Variants in FAM169A observed in about 807,000 individuals in gnomAD.
The protein encoded by FAM169A is family with sequence similarity 169 member A, also known as soluble lamin-associated protein of 75 kDa.
FAM169A carries 24 observed loss-of-function variants against 75.7 expected under a neutral mutation model. The observed-to-expected ratio is 0.32, with a 90% confidence interval of 0.23 to 0.45. The LOEUF is 0.45. Ranked by LOEUF, FAM169A falls within the 20% of genes least tolerant of loss-of-function variation. The pLI, the probability that FAM169A is intolerant of heterozygous loss-of-function variation, is 1.00. For synonymous variants in FAM169A, 271 were observed against 271.0 expected, an observed-to-expected ratio of 1.00 and a Z score of 0.00; for missense variants, 673 against 784.0, an observed-to-expected ratio of 0.86 and a Z score of 1.69.
intron 9 of FAM169A, 65 bp downstream of exon 9, chr5:74,801,519 GCACACA>G: frequency 2.9e-6 from 3 of 1,031,742 alleles, no homozygotes; most frequent in Non-Finnish European, 4.4e-6. Context: ...ACACATGCAT[GCACACA>G]CACACACACA....
At chr5:74,852,648 A>G (rs1749501274) in intron 1 of FAM169A, among the ~76,000 whole-genome samples, 1 of 152,114 alleles carries the variant, frequency 6.6e-6, no homozygotes, top group African/African-American at 2.4e-5. Flanking sequence ...GACTGAAAGT[A>G]CACCGAGAAC....
chr5:74,855,671 ATATT>A (rs1749671059), intron 1 of FAM169A, among the ~76,000 whole-genome samples: 1 of 152,112 alleles, frequency 6.6e-6, no homozygotes, highest in Non-Finnish European at 1.5e-5. Flanking sequence ...AGTTCCTTAT[ATATT>A]CTGGTTATTA....
chr5:74,812,941 T>C (rs1747281196), intron 6 of FAM169A, among the ~76,000 whole-genome samples: 1 of 152,200 alleles, frequency 6.6e-6, no homozygotes. Context: ...GCAATCACTT[T>C]AGAACAAGTT....
chr5:74,859,886 T>G lies in FAM169A; in HGVS notation c.-4+6279A>C, dbSNP rs1214127374. 2.6e-5 allele frequency among the ~76,000 whole-genome samples: 4 copies of G among 151,998 alleles called. No individual in the cohort carries two copies. The East Asian group carries it at 7.7e-4, about 29-fold the overall frequency. On this transcript the variant is annotated intron_variant, in intron 1 of 12. Transcript: ENST00000687041. ...AGAAAAGAACCTCAACGAAGTGTCA[T>G]ACATGGTACATGGGGTGGGTGTAGA...
At chr5:74,810,784 A>T (rs937397485) in intron 6 of FAM169A, among the ~76,000 whole-genome samples, 5 of 121,008 alleles carry the variant, frequency 4.1e-5, no homozygotes, top group African/African-American at 1.2e-4. Flanking sequence ...AGTACATGTT[A>T]TTGTATGTAA....
chr5:74,835,567 A>G (rs2112654946), intron 4 of FAM169A, among the ~76,000 whole-genome samples: 1 of 138,358 alleles, frequency 7.2e-6, no homozygotes, highest in South Asian at 2.3e-4. Context: ...GCACCACCGC[A>G]CTCCAGCCTG....
intron 11 of FAM169A, among the ~76,000 whole-genome samples, chr5:74,786,559 CAT>C (rs1182656322): frequency 6.6e-6 from 1 of 152,162 alleles, no homozygotes; most frequent in African/African-American, 2.4e-5. Flanking sequence ...TGACTCTAAA[CAT>C]AATACCTTTG....
Position 74,863,065 on chromosome 5 carries a change from C to T in FAM169A, c.-4+3100G>A, listed in dbSNP as rs1018468556. Among the ~76,000 whole-genome samples, 8 of 148,802 alleles carry T rather than the reference C, an allele frequency of 5.4e-5. 1 individual carries two copies. The highest frequency in any genetic ancestry group is 2.0e-4 in the East Asian group (1 of 5,128). Reference sequence around the variant, plus strand: ...GGCAGGGGTGGGAGGAATCTAGGTACGTCACAAACTTTCTAGCCTAAAAAA... The same window carrying T: ...GGCAGGGGTGGGAGGAATCTAGGTATGTCACAAACTTTCTAGCCTAAAAAA... On this transcript the variant is annotated intron_variant, in intron 1 of 12. Coordinates refer to ENST00000687041, the MANE Select transcript of FAM169A (RefSeq NM_001376049.1).
At chr5:74,795,880 C>A in intron 11 of FAM169A, 150 bp downstream of exon 11, 1 of 655,732 alleles carries the variant, frequency 1.5e-6, no homozygotes, top group South Asian at 2.9e-5. Flanking sequence ...AACTCTAGTA[C>A]CTGACCTTGC....
At chr5:74,795,945 C>T (rs574810424) in intron 11 of FAM169A, 85 bp downstream of exon 11, 34 of 1,391,798 alleles carry the variant, frequency 2.4e-5, no homozygotes, top group Admixed American at 6.1e-5. Flanking sequence ...TAAAATATAT[C>T]GCTATACTTT....
chr5:74,829,903 G>A (rs1748223770), intron 5 of FAM169A, among the ~76,000 whole-genome samples: 2 of 152,136 alleles, frequency 1.3e-5, no homozygotes, highest in Non-Finnish European at 2.9e-5. Flanking sequence ...AACCCAGGAG[G>A]CAGAGGTTGA....
intron 5 of FAM169A, among the ~76,000 whole-genome samples, chr5:74,815,424 C>G (rs1747421956): frequency 6.6e-6 from 1 of 152,062 alleles, no homozygotes; most frequent in Non-Finnish European, 1.5e-5. Flanking sequence ...CTCCTGACCT[C>G]AGGTGATCTG....
Position 74,796,063 on chromosome 5 carries a change from G to T in FAM169A, c.1227C>A (p.Thr409=). The change falls in exon 11 of 13, where the codon ACC becomes ACA. Residue 409 remains threonine (T), a synonymous_variant. Transcript: ENST00000687041. ...SDRDARPALE[T]QPQQEKQDGE... Reference sequence around the variant, plus strand: ...CATCTTGCTTCTCTTGCTGTGGCTGGGTTTCCAGTGCTGGCCGTGCATCTC... The same window carrying T: ...CATCTTGCTTCTCTTGCTGTGGCTGTGTTTCCAGTGCTGGCCGTGCATCTC... The T allele has an allele frequency of 6.2e-7, 1 of 1,613,794 alleles. No individual in the cohort carries two copies. Among genetic ancestry groups the T allele is most frequent in the Non-Finnish European group, 8.5e-7 (1 of 1,179,890 alleles).
intron 1 of FAM169A, among the ~76,000 whole-genome samples, chr5:74,842,502 A>G (rs1292984686): frequency 6.9e-6 from 1 of 145,612 alleles, no homozygotes; most frequent in African/African-American, 2.5e-5. Context: ...ATGGTATATT[A>G]TAAATTATAA....
chr5:74,835,390 T>C (rs1748519445), intron 4 of FAM169A, among the ~76,000 whole-genome samples: 1 of 151,680 alleles, frequency 6.6e-6, no homozygotes, highest in Admixed American at 6.6e-5. Flanking sequence ...TCGCTTGAGC[T>C]CAGTTTGAGA....
intron 11 of FAM169A, among the ~76,000 whole-genome samples, chr5:74,794,325 C>A (rs1325018898): frequency 6.7e-6 from 1 of 150,350 alleles, no homozygotes; most frequent in Non-Finnish European, 1.5e-5. Flanking sequence ...ACCCAGGAGG[C>A]GGAGCTTGCA....
At chr5:74,789,604 A>G (rs1745872945) in intron 11 of FAM169A, among the ~76,000 whole-genome samples, 1 of 152,210 alleles carries the variant, frequency 6.6e-6, no homozygotes, top group African/African-American at 2.4e-5. Flanking sequence ...GGGCCATATG[A>G]TCCAGCAGAT....
chr5:74,824,772 T>C (rs910818226), intron 5 of FAM169A, among the ~76,000 whole-genome samples: 1 of 151,716 alleles, frequency 6.6e-6, no homozygotes, highest in African/African-American at 2.4e-5. Flanking sequence ...AAAGCAACCA[T>C]TTTGAAGTCA....
intron 4 of FAM169A, among the ~76,000 whole-genome samples, chr5:74,835,079 A>G (rs1748502425): frequency 6.6e-6 from 1 of 152,010 alleles, no homozygotes; most frequent in Non-Finnish European, 1.5e-5. Flanking sequence ...GAGGGAAGCC[A>G]TAATTACACT....
Sources: allele counts gnomAD v4.1 joint callset (sites outside exome capture counted in the v4.1 genomes callset), GRCh38; gene constraint gnomAD v4.1.1; transcripts MANE v1.5; gene names NCBI Gene and HGNC (gene_info 2026-07-23, HGNC 2026-07-21).